Variants in SLC39A14 observed in about 807,000 individuals in gnomAD.
The protein encoded by SLC39A14 is solute carrier family 39 member 14.
Under a neutral mutation model 45.5 loss-of-function variants are expected in SLC39A14, and 19 were observed. That is an observed-to-expected ratio of 0.42 (90% CI 0.29 to 0.61). The LOEUF (loss-of-function observed/expected upper bound fraction) is 0.61, where lower values mean the gene tolerates loss of function less well. SLC39A14 is among the 20% of genes least tolerant of loss of function. The probability of loss-of-function intolerance (pLI) is 0.22; values close to 1 mark genes in which losing one functional copy is unlikely to be tolerated. For synonymous variants in SLC39A14, 264 were observed against 251.3 expected, an observed-to-expected ratio of 1.05 and a Z score of -0.48; for missense variants, 447 against 616.5, an observed-to-expected ratio of 0.73 and a Z score of 2.91.
rs1018159221 is a variant in SLC39A14 at position 22,375,919 on chromosome 8, A to G, written c.-16+8511A>G. On this transcript the variant is annotated intron_variant, in intron 1 of 8. Transcript: ENST00000381237. ...ATATTCCTCACCCCAGAGTATAATT[A>G]TATAATCAGGAGCAGGAAATCAACA... Among the ~76,000 whole-genome samples the G allele has an allele frequency of 5.9e-5, 9 of 152,360 alleles. No homozygotes were observed. The Middle Eastern group carries it at 0.01, about 173-fold the overall frequency.
intron 1 of SLC39A14, among the ~76,000 whole-genome samples, chr8:22,395,305 T>C (rs1427407276): frequency 6.6e-6 from 1 of 152,198 alleles, no homozygotes; most frequent in African/African-American, 2.4e-5. Context: ...CATCTTCCAT[T>C]TCATTCTTGG....
rs1041717831 is a variant in SLC39A14 at position 22,367,454 on chromosome 8, G to T, written c.-16+46G>T. 3 of 152,166 alleles carry T rather than the reference G, an allele frequency of 2.0e-5. No individual in the cohort carries two copies. Among genetic ancestry groups the T allele is most frequent in the Admixed American group, 1.3e-4 (2 of 15,268 alleles). The allele number at this position is 152,166 out of a possible 1,614,324, so 9.4% of individuals were successfully genotyped here. A position where few individuals can be genotyped will look rare whatever the true frequency, so the allele number is the denominator to read the frequency against. ...GGCCGCGGGATGGGCAGCGGCGGAG[G>T]AGCCCCGCACCCCAGGCTGGGGCAG... On this transcript the variant is annotated intron_variant, in intron 1 of 8. Coordinates refer to ENST00000381237, the MANE Select transcript of SLC39A14 (RefSeq NM_001128431.4). This position sits in a 1 kb window ranked among gnomAD's most constrained non-coding sequence, Gnocchi z 4.2.
chr8:22,417,268 G>C (rs956937935), intron 7 of SLC39A14, among the ~76,000 whole-genome samples: 1 of 152,236 alleles, frequency 6.6e-6, no homozygotes, highest in South Asian at 2.1e-4. Context: ...GAAATGAGGA[G>C]GCCAGTGCCA....
chr8:22,419,735 C>G lies in SLC39A14; in HGVS notation c.*37C>G. On this transcript the variant is annotated 3_prime_UTR_variant, in exon 9 of 9. Transcript: ENST00000381237. ...GAGCCTGTGGGACTGGAAGTCGGGC[C>G]CTGGGCTGCCCGATCGCCAGCCCGA... The G allele has an allele frequency of 6.5e-7, 1 of 1,535,010 alleles. No individual in the cohort carries two copies. Among genetic ancestry groups the G allele is most frequent in the Non-Finnish European group, 8.8e-7 (1 of 1,142,530 alleles).
At position 22,396,490 on chromosome 8, in the gene SLC39A14, AG is replaced by A. The variant is rs1169881868; in HGVS notation, c.-15-8205del. Among the ~76,000 whole-genome samples, 15 of 9,930 alleles carry A rather than the reference AG, an allele frequency of 1.5e-3. 6 individuals are homozygous for A. The highest frequency in any genetic ancestry group is 8.8e-3 in the African/African-American group (15 of 1,708). 6.5% of individuals were successfully genotyped at this position (9,930 alleles called of 152,430 possible). On this transcript the variant is annotated intron_variant, in intron 1 of 8. Coordinates refer to ENST00000381237, the MANE Select transcript of SLC39A14 (RefSeq NM_001128431.4). ...GAGAGAGAGAGAGAGAGAGAGAGAGAGAGAGAGAGAGGGAGAGAGAGAGAGA... is the reference window on the plus strand; with the variant it reads ...GAGAGAGAGAGAGAGAGAGAGAGAGAAGAGAGAGAGGGAGAGAGAGAGAGA...
chr8:22,407,988 T>A (rs1835328316), intron 2 of SLC39A14, among the ~76,000 whole-genome samples: 2 of 152,200 alleles, frequency 1.3e-5, no homozygotes, highest in African/African-American at 2.4e-5. Flanking sequence ...GATTACAGTG[T>A]TAGCCACCGT....
At position 22,433,985 on chromosome 8, in the gene SLC39A14, TA is replaced by T; in HGVS notation, c.1429del (p.Ser477AlafsTer41). Reference sequence around the variant, plus strand: ...CTTGGGTTGAAGCGATTATCCTGTCTAAGCCTCCCGAGTAACTGAGCCAGCC... The same window carrying T: ...CTTGGGTTGAAGCGATTATCCTGTCTAGCCTCCCGAGTAACTGAGCCAGCC... On this transcript the variant is annotated frameshift_variant, in exon 9 of 9. Transcript: ENST00000240095. LOFTEE classifies it high-confidence loss of function. 2.4e-6 allele frequency: 1 copy of T among 416,628 alleles called. No individual in the cohort carries two copies. Among genetic ancestry groups the T allele is most frequent in the Non-Finnish European group, 4.8e-6 (1 of 206,700 alleles). 25.8% of individuals were successfully genotyped at this position (416,628 alleles called of 1,614,324 possible). A position where few individuals can be genotyped will look rare whatever the true frequency, so the allele number is the denominator to read the frequency against.
chr8:22,418,509 TTA>T (rs1185692238), intron 8 of SLC39A14, among the ~76,000 whole-genome samples: 1 of 152,092 alleles, frequency 6.6e-6, no homozygotes, highest in East Asian at 1.9e-4. Flanking sequence ...GTTTCTTTTT[TTA>T]TCTCAATGCA....
At chr8:22,393,208 G>A (rs1003915120) in intron 1 of SLC39A14, 2 of 985,706 alleles carry the variant, frequency 2.0e-6, no homozygotes, top group Non-Finnish European at 1.2e-6. Context: ...GCAGGAGCTG[G>A]AGGAAGATAA....
chr8:22,378,956 G>C (rs1205936484), intron 1 of SLC39A14, among the ~76,000 whole-genome samples: 1 of 152,210 alleles, frequency 6.6e-6, no homozygotes, highest in Non-Finnish European at 1.5e-5. Context: ...CGACAGAAAT[G>C]TATTCTTATA....
At chr8:22,410,797 G>T (rs1400596799) in intron 3 of SLC39A14, among the ~76,000 whole-genome samples, 3 of 152,124 alleles carry the variant, frequency 2.0e-5, no homozygotes, top group Non-Finnish European at 4.4e-5. Flanking sequence ...TATCATAGAG[G>T]AGCTATAAAA....
rs1836162320 is a variant in SLC39A14 at position 22,420,436 on chromosome 8, C to G, written c.*738C>G. The stretch of plus-strand genomic sequence containing the variant: ...GTGGCGGTGTGGCTGCCTGGACCTC[C>G]TCTTTCAGGTTAACGCTGACAGAAT... On this transcript the variant is annotated 3_prime_UTR_variant, in exon 9 of 9. Coordinates refer to ENST00000381237, the MANE Select transcript of SLC39A14 (RefSeq NM_001128431.4). The G allele has an allele frequency of 4.1e-6, 4 of 985,292 alleles. No homozygotes were observed. The highest frequency in any genetic ancestry group is 4.7e-5 in the South Asian group (1 of 21,276). 61.0% of individuals were successfully genotyped at this position (985,292 alleles called of 1,614,324 possible).
In SLC39A14 at chr8:22,381,517, G is replaced by A. The variant is rs150692870; in HGVS notation, c.-16+14109G>A. Among the ~76,000 whole-genome samples, 842 of 152,158 alleles carry A rather than the reference G, an allele frequency of 5.5e-3. 2 individuals are homozygous for A. Among genetic ancestry groups the A allele is most frequent in the Middle Eastern group, 0.014 (4 of 294 alleles). On this transcript the variant is annotated intron_variant, in intron 1 of 8. Coordinates refer to ENST00000381237, the MANE Select transcript of SLC39A14 (RefSeq NM_001128431.4). ...GATCTCCTGACCTCATGATCCGCCC[G>A]CCTCGGCCTCCCAAAGTTCTGGGAT...
rs1363051837 is a variant in SLC39A14 at position 22,416,127 on chromosome 8, G to A, written c.994G>A (p.Asp332Asn). The change falls in exon 7 of 9, where the codon GAT becomes AAT. Residue 332 changes from aspartate (D) to asparagine (N), a missense_variant. Around this residue, in one of 2 missense-constraint regions of SLC39A14, gnomAD observed 342 missense variants for 428.1 expected, o/e 0.80. Transcript: ENST00000381237. ...CTGGCTGAAAGGTGTCCGCTACTCT[G>A]ATATCGGCACTCTGGCCTGGATGAT... ...CYWLKGVRYS[D>N]IGTLAWMITL... 2.5e-6 allele frequency: 4 copies of A among 1,614,004 alleles called. No individual in the cohort carries two copies. Among genetic ancestry groups the A allele is most frequent in the African/African-American group, 2.7e-5 (2 of 74,892 alleles).
downstream of SLC39A14, among the ~76,000 whole-genome samples, chr8:22,427,101 T>C (rs1384013838): frequency 6.6e-6 from 1 of 151,812 alleles, no homozygotes; most frequent in African/African-American, 2.4e-5. Context: ...GAGACCAGCC[T>C]GGCCAACATG....
intron 8 of SLC39A14, among the ~76,000 whole-genome samples, chr8:22,431,082 G>A (rs1836459917): frequency 6.6e-6 from 1 of 151,848 alleles, no homozygotes; most frequent in African/African-American, 2.4e-5. Context: ...CTGCCTCCTG[G>A]GTTCAAACAA....
chr8:22,417,756 T>A lies in SLC39A14; in HGVS notation c.1253T>A (p.Leu418Gln). ...TACCTGGGTCTGGCCTTTGGCATCC[T>A]GGCCGGCAGCCACTTCTCTGCCAAC... is the stretch of plus-strand genomic sequence containing the variant. ...CCYLGLAFGI[L>Q]AGSHFSANWI... The change falls in exon 8 of 9, where the codon CTG becomes CAG. Residue 418 changes from leucine (L) to glutamine (Q), a missense_variant. Physicochemically the swap from Leu to Gln is moderately radical, Grantham distance 113. This residue lies in a region of SLC39A14 where 105 missense variants were observed against 188.4 expected (regional missense o/e 0.56). Coordinates refer to ENST00000381237, the MANE Select transcript of SLC39A14 (RefSeq NM_001128431.4). 1 of 1,614,238 alleles carries A rather than the reference T, an allele frequency of 6.2e-7. No homozygotes were observed. Among genetic ancestry groups the A allele is most frequent in the Non-Finnish European group, 8.5e-7 (1 of 1,180,030 alleles).
chr8:22,389,112 G>A (rs28580737), intron 1 of SLC39A14, among the ~76,000 whole-genome samples: 20,443 of 152,138 alleles, frequency 0.13, 1,387 homozygotes, highest in East Asian at 0.17. Context: ...GAATGAAAAA[G>A]CGCTGGCTCT....
At chr8:22,408,540 C>G in intron 3 of SLC39A14, 44 bp downstream of exon 3, 1 of 1,566,092 alleles carries the variant, frequency 6.4e-7, no homozygotes, top group Non-Finnish European at 8.7e-7. Flanking sequence ...CCATCTCGCC[C>G]GCGTCTCACA....
Sources: gnomAD v4.1 joint callset for allele counts (sites outside exome capture counted in the v4.1 genomes callset) on GRCh38, gnomAD v4.1.1 for gene constraint, gnomAD v4.1.1 regional missense constraint, Gnocchi (gnomAD v3.1) non-coding constraint, MANE v1.5 for transcripts, NCBI Gene and HGNC (gene_info 2026-07-23, HGNC 2026-07-21) for gene names.